MARCHF1: variants seen among roughly 807,000 people sequenced by gnomAD.
MARCHF1 encodes the protein membrane associated ring-CH-type finger 1, also known as E3 ubiquitin-protein ligase MARCHF1.
In MARCHF1, 40 loss-of-function variants were observed where a neutral mutation model predicts 54.2. The observed-to-expected ratio is 0.74, with a 90% CI of 0.57 to 0.96. MARCHF1 has a LOEUF of 0.96. Among genes scored for constraint, MARCHF1 ranks in the 40% least tolerant of loss-of-function variants. The pLI is 0.00. For missense variants in MARCHF1, 586 were observed against 656.5 expected, an observed-to-expected ratio of 0.89 and a Z score of 1.17; for synonymous variants, 236 against 236.3, an observed-to-expected ratio of 1.00 and a Z score of 0.01.
intron 8 of MARCHF1, among the ~76,000 whole-genome samples, 193 bp from the exon 9 acceptor site, chr4:163,545,936 C>T (rs1249935573): frequency 1.4e-5 from 2 of 145,696 alleles, no homozygotes; most frequent in Non-Finnish European, 3.0e-5. Flanking sequence ...TTACATATAA[C>T]TTAAATACAT....
At chr4:164,036,368 AG>A (rs1192355750) in intron 2 of MARCHF1, among the ~76,000 whole-genome samples, 9 of 152,160 alleles carry the variant, frequency 5.9e-5, no homozygotes, top group African/African-American at 1.7e-4. Context: ...GCAAGCTGCT[AG>A]GAGTATCAGA....
At chr4:164,079,774 C>G (rs1357891342) in intron 2 of MARCHF1, among the ~76,000 whole-genome samples, 2 of 152,016 alleles carry the variant, frequency 1.3e-5, no homozygotes, top group African/African-American at 4.8e-5. Context: ...TATCAATATA[C>G]TATGAAATTT....
At chr4:163,994,503 G>C (rs1753029145) in intron 2 of MARCHF1, among the ~76,000 whole-genome samples, 1 of 151,436 alleles carries the variant, frequency 6.6e-6, no homozygotes, top group Admixed American at 6.6e-5. Context: ...ACACCAACAT[G>C]GTACATGTAT....
intron 7 of MARCHF1, among the ~76,000 whole-genome samples, chr4:163,587,661 G>A (rs966271252): frequency 2.0e-5 from 3 of 152,022 alleles, no homozygotes; most frequent in African/African-American, 7.3e-5. Flanking sequence ...TACCTATGAA[G>A]TCCTTTGTTC....
chr4:164,223,018 G>T (rs552121754), intron 1 of MARCHF1, among the ~76,000 whole-genome samples: 3 of 152,096 alleles, frequency 2.0e-5, no homozygotes, highest in Admixed American at 6.6e-5. Flanking sequence ...GGGAGCTTGT[G>T]CAGGGGAACT....
At chr4:164,190,362 T>G in intron 1 of MARCHF1, 1 of 587,370 alleles carries the variant, frequency 1.7e-6, no homozygotes, top group South Asian at 2.6e-5. Context: ...TGCTGTAATA[T>G]TGTAAATACT....
At chr4:163,662,040 C>G (rs930969005) in intron 5 of MARCHF1, among the ~76,000 whole-genome samples, 5 of 152,010 alleles carry the variant, frequency 3.3e-5, no homozygotes, top group Non-Finnish European at 4.4e-5. Flanking sequence ...TTGGAGCCAT[C>G]CTGATTCTTG....
chr4:163,683,889 G>GCTCACTCA lies in MARCHF1; in HGVS notation c.162+16916_162+16923dup, dbSNP rs3080980. On this transcript the variant is annotated intron_variant, in intron 5 of 9. Transcript: ENST00000514618. ...GGCTCAAGGCAGACATCATGTGGAG[G>GCTCACTCA]CTCACTCACTCACTCACTCACTCAC... 8.0e-3 allele frequency among the ~76,000 whole-genome samples: 1,194 copies of GCTCACTCA among 149,012 alleles called. 7 individuals carry two copies. Among genetic ancestry groups the GCTCACTCA allele is most frequent in the East Asian group, 0.018 (91 of 5,042 alleles).
intron 5 of MARCHF1, among the ~76,000 whole-genome samples, chr4:163,624,903 C>A (rs1741817468): frequency 6.6e-6 from 1 of 152,214 alleles, no homozygotes; most frequent in Admixed American, 6.5e-5. Flanking sequence ...GATCTCAGAG[C>A]TTTGAGATTT....
intron 2 of MARCHF1, among the ~76,000 whole-genome samples, chr4:164,008,075 T>C (rs1277800190): frequency 6.6e-6 from 1 of 152,106 alleles, no homozygotes; most frequent in African/African-American, 2.4e-5. Flanking sequence ...CAACTGTATG[T>C]TTCATTCAGG....
rs1344966245 is a variant in MARCHF1 at position 163,679,774 on chromosome 4, G to A, written c.162+21039C>T. Among the ~76,000 whole-genome samples, 56 of 151,852 alleles carry A rather than the reference G, an allele frequency of 3.7e-4. 1 individual carries two copies. The highest frequency in any genetic ancestry group is 1.2e-3 in the African/African-American group (51 of 41,438). On this transcript the variant is annotated intron_variant, in intron 5 of 9. Coordinates refer to ENST00000514618, the MANE Select transcript of MARCHF1 (RefSeq NM_001394959.1). ...ACTACGGGCGCCCACCACCACGCCC[G>A]GCTAATTTTTTGTATTTTTAGTAGA...
chr4:163,756,777 C>T (rs944362780), intron 4 of MARCHF1, among the ~76,000 whole-genome samples: 1 of 150,910 alleles, frequency 6.6e-6, no homozygotes, highest in African/African-American at 2.4e-5. Flanking sequence ...ATTCAGGTGT[C>T]TAGTATAAGC....
At chr4:163,954,748 G>T (rs1182065451) in intron 3 of MARCHF1, among the ~76,000 whole-genome samples, 1 of 152,166 alleles carries the variant, frequency 6.6e-6, no homozygotes, top group Non-Finnish European at 1.5e-5. Flanking sequence ...GCTCCCTGGT[G>T]ATGCTGACAT....
chr4:164,327,900 A>G (rs1276977415), intron 1 of MARCHF1, among the ~76,000 whole-genome samples: 1 of 152,224 alleles, frequency 6.6e-6, no homozygotes, highest in Non-Finnish European at 1.5e-5. Flanking sequence ...AAAGTCCAGC[A>G]TGAGGTATGT....
At chr4:163,662,308 C>T (rs1002894537) in intron 5 of MARCHF1, among the ~76,000 whole-genome samples, 6 of 151,706 alleles carry the variant, frequency 4.0e-5, no homozygotes, top group Non-Finnish European at 8.8e-5. Context: ...CATCTTATTT[C>T]AAGTATTGTT....
intron 1 of MARCHF1, among the ~76,000 whole-genome samples, chr4:164,340,827 C>T (rs183808001): frequency 1.1e-4 from 16 of 150,518 alleles, no homozygotes; most frequent in African/African-American, 2.4e-4. Flanking sequence ...CAAAGTACTA[C>T]GATTACAGGT....
chr4:164,337,633 C>T (rs1465615119), intron 1 of MARCHF1, among the ~76,000 whole-genome samples: 2 of 152,220 alleles, frequency 1.3e-5, no homozygotes, highest in Admixed American at 6.5e-5. Flanking sequence ...ATGTGTACAC[C>T]TCCTAACTAG....
At chr4:163,715,635 A>G (rs1370763244) in intron 4 of MARCHF1, among the ~76,000 whole-genome samples, 1 of 152,192 alleles carries the variant, frequency 6.6e-6, no homozygotes, top group Non-Finnish European at 1.5e-5. Context: ...CTCAGTGGAA[A>G]TTACTGAGAT....
rs1579637637 is a variant in MARCHF1, at chr4:164,224,719, T to C, written c.-322-113057A>G. 3.9e-5 allele frequency among the ~76,000 whole-genome samples: 6 copies of C among 152,172 alleles called. No individual in the cohort carries two copies. In the South Asian group the frequency reaches 1.0e-3, roughly 26 times the overall value. On this transcript the variant is annotated intron_variant, in intron 1 of 9. Coordinates refer to ENST00000514618, the MANE Select transcript of MARCHF1 (RefSeq NM_001394959.1). ...TGTAGAATGCTAGAATAAACAACAA[T>C]TAAGTTTATAAATATTTTAATATAG...
Sources: gnomAD v4.1 joint callset for allele counts (sites outside exome capture counted in the v4.1 genomes callset) on GRCh38, gnomAD v4.1.1 for gene constraint, MANE v1.5 for transcripts, NCBI Gene and HGNC (gene_info 2026-07-23, HGNC 2026-07-21) for gene names.